Variants in TNKS observed in about 807,000 individuals in gnomAD.
The protein encoded by TNKS is poly [ADP-ribose] polymerase tankyrase-1.
Under a neutral mutation model 135.8 loss-of-function variants are expected in TNKS, and 72 were observed. The ratio of observed to expected loss-of-function variants is 0.53; its 90% CI spans 0.44 to 0.64. The LOEUF is 0.64. TNKS is among the 30% of genes least tolerant of loss of function. TNKS has a pLI of 0.00. For synonymous variants in TNKS, 849 were observed against 649.3 expected, an observed-to-expected ratio of 1.31 and a Z score of -4.68; for missense variants, 1,769 against 1,674.0, an observed-to-expected ratio of 1.06 and a Z score of -0.99.
intron 22 of TNKS, among the ~76,000 whole-genome samples, chr8:9,763,781 T>C (rs1221532774): frequency 2.6e-5 from 4 of 152,218 alleles, no homozygotes. Flanking sequence ...GTGAGACTCC[T>C]GCTCCACTGA....
At chr8:9,627,261 A>G (rs1391862909) in intron 3 of TNKS, among the ~76,000 whole-genome samples, 1 of 152,218 alleles carries the variant, frequency 6.6e-6, no homozygotes, top group African/African-American at 2.4e-5. Context: ...TTCTTTATAA[A>G]TGCTTTATAA....
chr8:9,720,325 A>G, intron 11 of TNKS, 49 bp from the exon 12 acceptor site: 1 of 1,484,328 alleles, frequency 6.7e-7, no homozygotes. Flanking sequence ...GTATAAAAGG[A>G]AACTAAACAA....
chr8:9,626,024 A>T (rs1321120822), intron 3 of TNKS, among the ~76,000 whole-genome samples: 1 of 152,138 alleles, frequency 6.6e-6, no homozygotes, highest in Non-Finnish European at 1.5e-5. Flanking sequence ...ATAATTGTAG[A>T]TTTAATTATT....
At chr8:9,668,746 A>T (rs1802124166) in intron 3 of TNKS, among the ~76,000 whole-genome samples, 1 of 152,210 alleles carries the variant, frequency 6.6e-6, no homozygotes, top group African/African-American at 2.4e-5. Context: ...ATGAGCAAAG[A>T]CATTCAGGAA....
intron 2 of TNKS, among the ~76,000 whole-genome samples, chr8:9,581,912 T>G (rs774680321): frequency 1.2e-4 from 18 of 152,210 alleles, no homozygotes; most frequent in Non-Finnish European, 2.6e-4. Context: ...ATATGGGGCT[T>G]GAATTTTTAA....
rs996154285 is a variant in TNKS at position 9,778,611 on chromosome 8, G to C, written c.*1875G>C. ...GACCCAAGCTGGGTGTTTGTGTCTT[G>C]GCTACTTGTTTAATAGCACTAGAAT... On this transcript the variant is annotated 3_prime_UTR_variant, in exon 27 of 27. Transcript: ENST00000310430. 1 of 152,510 alleles carries C rather than the reference G, an allele frequency of 6.6e-6. No individual in the cohort carries two copies. The highest frequency in any genetic ancestry group is 2.4e-5 in the African/African-American group (1 of 41,398). 9.4% of individuals were successfully genotyped at this position (152,510 alleles called of 1,614,324 possible).
chr8:9,652,240 T>A (rs1220534953), intron 3 of TNKS, among the ~76,000 whole-genome samples: 1 of 152,220 alleles, frequency 6.6e-6, no homozygotes, highest in Non-Finnish European at 1.5e-5. Flanking sequence ...GGTTCTTCTC[T>A]GTAATGAGGA....
intron 16 of TNKS, 74 bp from the exon 17 acceptor site, chr8:9,735,303 G>T (rs1208533667): frequency 1.5e-5 from 20 of 1,373,108 alleles, no homozygotes; most frequent in Non-Finnish European, 1.9e-5. Flanking sequence ...ACATTTTCTG[G>T]TCCTTATTAC....
intron 3 of TNKS, among the ~76,000 whole-genome samples, chr8:9,619,143 C>T (rs930627757): frequency 2.6e-5 from 4 of 152,152 alleles, no homozygotes; most frequent in African/African-American, 9.7e-5. Context: ...CATCCATGGA[C>T]ATGGTAGATA....
At chr8:9,625,735 G>A (rs1800031031) in intron 3 of TNKS, among the ~76,000 whole-genome samples, 1 of 151,982 alleles carries the variant, frequency 6.6e-6, no homozygotes, top group Admixed American at 6.6e-5. Context: ...TGATTCCATT[G>A]TGCTTGAACA....
intron 3 of TNKS, among the ~76,000 whole-genome samples, chr8:9,622,089 A>G (rs12682247): frequency 0.71 from 108,223 of 152,022 alleles, 38,857 homozygotes; most frequent in Middle Eastern, 0.8. Context: ...GTTTTATATT[A>G]AACGTGGTTG....
At chr8:9,585,790 A>G (rs1447924544) in intron 2 of TNKS, among the ~76,000 whole-genome samples, 1 of 152,186 alleles carries the variant, frequency 6.6e-6, no homozygotes, top group Non-Finnish European at 1.5e-5. Flanking sequence ...GCAGAGACTG[A>G]GGGGATCCTC....
At chr8:9,631,171 A>C (rs2128771688) in intron 3 of TNKS, among the ~76,000 whole-genome samples, 1 of 152,302 alleles carries the variant, frequency 6.6e-6, no homozygotes, top group South Asian at 2.1e-4. Flanking sequence ...CTAGTTCATA[A>C]AGTAGTTTTT....
chr8:9,683,581 A>G (rs1802869735), intron 5 of TNKS, among the ~76,000 whole-genome samples: 1 of 151,858 alleles, frequency 6.6e-6, no homozygotes, highest in Admixed American at 6.6e-5. Flanking sequence ...AGCCCATGAA[A>G]ATGTTAATTT....
intron 11 of TNKS, among the ~76,000 whole-genome samples, chr8:9,713,301 C>T (rs1363393819): frequency 6.6e-6 from 1 of 152,094 alleles, no homozygotes; most frequent in East Asian, 1.9e-4. Context: ...ATCTTTGACC[C>T]GTTTTTGCAA....
chr8:9,627,742 G>A (rs904630202), intron 3 of TNKS, among the ~76,000 whole-genome samples: 8 of 151,814 alleles, frequency 5.3e-5, no homozygotes, highest in Non-Finnish European at 4.4e-5. Flanking sequence ...GAATGTAGCC[G>A]GAAAAAAGAA....
intron 3 of TNKS, among the ~76,000 whole-genome samples, chr8:9,647,398 T>A (rs936108293): frequency 2.0e-5 from 3 of 152,188 alleles, no homozygotes; most frequent in African/African-American, 7.2e-5. Flanking sequence ...CAGCAGTAAC[T>A]AGAGAGTGAA....
Position 9,779,367 on chromosome 8 carries a change from T to TATTTC in TNKS, c.*2631_*2632insATTTC, listed in dbSNP as rs1435091218. On this transcript the variant is annotated 3_prime_UTR_variant, in exon 27 of 27. Coordinates refer to ENST00000310430, the MANE Select transcript of TNKS (RefSeq NM_003747.3). ...TGTACTATATAGAAATACTAGCAAG[T>TATTTC]TAGGATCATCCAATATGGCCTACCC... The TATTTC allele has an allele frequency of 5.2e-5, 8 of 152,388 alleles. No individual in the cohort carries two copies. The highest frequency in any genetic ancestry group is 8.8e-5 in the Non-Finnish European group (6 of 68,044). The allele number at this position is 152,388 out of a possible 1,614,324, so 9.4% of individuals were successfully genotyped here. A position where few individuals can be genotyped will look rare whatever the true frequency, so the allele number is the denominator to read the frequency against.
chr8:9,702,785 G>A (rs1399643443), intron 5 of TNKS, among the ~76,000 whole-genome samples: 4 of 152,144 alleles, frequency 2.6e-5, no homozygotes, highest in African/African-American at 9.7e-5. Flanking sequence ...GGAGGTGGAG[G>A]CGGGTGGATC....
Sources: gnomAD v4.1 joint callset for allele counts (sites outside exome capture counted in the v4.1 genomes callset) on GRCh38, gnomAD v4.1.1 for gene constraint, MANE v1.5 for transcripts, NCBI Gene and HGNC (gene_info 2026-07-23, HGNC 2026-07-21) for gene names.